The following FBXO31 variants were observed in gnomAD, a reference collection of about 807,000 sequenced individuals.
FBXO31 encodes F-box only protein 31.
A neutral mutation model predicts 54.4 loss-of-function variants in FBXO31; 24 were observed. That is an observed-to-expected ratio of 0.44 (90% CI 0.32 to 0.62). The LOEUF (loss-of-function observed/expected upper bound fraction) is 0.62, where lower values mean the gene tolerates loss of function less well. Ranked by LOEUF, FBXO31 falls within the 20% of genes least tolerant of loss-of-function variation. The pLI, the probability that FBXO31 is intolerant of heterozygous loss-of-function variation, is 0.05. For missense variants in FBXO31, 665 were observed against 787.1 expected (o/e 0.84, Z 1.86); for synonymous variants, 388 against 335.6 (o/e 1.16, Z -1.71).
Position 87,334,421 on chromosome 16 carries a change from CAGA to C in FBXO31, c.997-138_997-136del, listed in dbSNP as rs530210823. On this transcript the variant is annotated intron_variant, in intron 7 of 8. Transcript: ENST00000311635. Reference sequence around the variant, plus strand: ...CCTACTGACTTAGCAACGTCCCTTACAGAAGAAGAAGTCTCAGAATCCCTTAGA... The same window carrying C: ...CCTACTGACTTAGCAACGTCCCTTACAGAAGAAGTCTCAGAATCCCTTAGA... The C allele has an allele frequency of 3.5e-4, 269 of 761,492 alleles. No homozygotes were observed. In the East Asian group the frequency reaches 5.0e-3, roughly 14 times the overall value. 47.2% of individuals were successfully genotyped at this position (761,492 alleles called of 1,614,324 possible). A position where few individuals can be genotyped will look rare whatever the true frequency, so the allele number is the denominator to read the frequency against.
At chr16:87,362,561 G>T (rs1906183644) in intron 1 of FBXO31, 1 of 151,642 alleles carries the variant, frequency 6.6e-6, no homozygotes, top group African/African-American at 2.4e-5. Flanking sequence ...TACATTTATT[G>T]ATTGATTGAT....
At chr16:87,382,991 G>T (rs1159090976) in intron 1 of FBXO31, among the ~76,000 whole-genome samples, 2 of 152,102 alleles carry the variant, frequency 1.3e-5, no homozygotes, top group African/African-American at 4.8e-5. Context: ...GGCACCCTCG[G>T]CTCGCCTTCA....
rs147853270 is a variant in FBXO31, at chr16:87,360,064, G to A, written c.412+231C>T. Reference sequence around the variant, plus strand: ...ACATTTCTCAGCTCTAAAGGGCCTCGATGCCTGGTAAAAGACACTAGTATC... The same window carrying A: ...ACATTTCTCAGCTCTAAAGGGCCTCAATGCCTGGTAAAAGACACTAGTATC... On this transcript the variant is annotated intron_variant, in intron 2 of 8. Transcript: ENST00000311635. Among the ~76,000 whole-genome samples, 8 of 152,324 alleles carry A rather than the reference G, an allele frequency of 5.3e-5. No individual in the cohort carries two copies. The East Asian group carries it at 7.7e-4, about 15-fold the overall frequency.
intron 1 of FBXO31, among the ~76,000 whole-genome samples, chr16:87,362,284 T>C (rs1009247829): frequency 1.3e-5 from 2 of 152,172 alleles, no homozygotes; most frequent in Admixed American, 1.3e-4. Flanking sequence ...ATCTTTTCAA[T>C]GTGCAGTCAT....
At chr16:87,368,353 A>T (rs2150690993) in intron 1 of FBXO31, among the ~76,000 whole-genome samples, 1 of 152,340 alleles carries the variant, frequency 6.6e-6, no homozygotes, top group Middle Eastern at 3.4e-3. Context: ...ACAATTACAC[A>T]TCCTTTTATT....
intron 5 of FBXO31, among the ~76,000 whole-genome samples, chr16:87,341,245 A>T (rs1905184023): frequency 6.6e-6 from 1 of 152,226 alleles, no homozygotes; most frequent in Non-Finnish European, 1.5e-5. Flanking sequence ...GCTTACAGAA[A>T]CTTTTCCTAA....
intron 3 of FBXO31, among the ~76,000 whole-genome samples, chr16:87,344,875 G>A (rs60296353): frequency 2.0e-5 from 3 of 149,884 alleles, no homozygotes; most frequent in Non-Finnish European, 4.4e-5. Context: ...ACCCATCCCT[G>A]CCCCAAACCC....
rs1417139398 is a variant in FBXO31 at position 87,370,978 on chromosome 16, A to C, written c.341-10612T>G. 2.0e-5 allele frequency among the ~76,000 whole-genome samples: 3 copies of C among 152,184 alleles called. No homozygotes were observed. In the South Asian group the frequency reaches 6.2e-4, roughly 31 times the overall value. The stretch of plus-strand genomic sequence containing the variant: ...GGGGACATGCCCCCGGGCTCCAAGA[A>C]CAGCGCCCCAACTGCGGCCCGGCAC... On this transcript the variant is annotated intron_variant, in intron 1 of 8. Transcript: ENST00000311635.
chr16:87,335,718 G>A lies in FBXO31; in HGVS notation c.843-261C>T, dbSNP rs904982387. On this transcript the variant is annotated intron_variant, in intron 6 of 8. Transcript: ENST00000311635. This position sits in a 1 kb window ranked among gnomAD's most constrained non-coding sequence, Gnocchi z 5.7. ...GCCAGGGCAGAGCTTTAGGTGGGAG[G>A]GAAAAGGAAGTGCCAGTTTGCTCCA... Among the ~76,000 whole-genome samples the A allele has an allele frequency of 3.3e-5, 5 of 152,168 alleles. No homozygotes were observed. The highest frequency in any genetic ancestry group is 9.7e-5 in the African/African-American group (4 of 41,432).
At position 87,336,368 on chromosome 16, in the gene FBXO31, C is replaced by G; in HGVS notation, c.733-104G>C. ...CACAGTGTGTCCTTCTTTGTCAGTG[C>G]ACAGGCACCTGCAGGGCCCTCTTGG... On this transcript the variant is annotated intron_variant, in intron 5 of 8. Coordinates refer to ENST00000311635, the MANE Select transcript of FBXO31 (RefSeq NM_024735.5). The surrounding 1 kb of genome is among the most constrained non-coding windows in gnomAD (Gnocchi z 6.5). 1.0e-6 allele frequency: 1 copy of G among 972,684 alleles called. No individual in the cohort carries two copies. The highest frequency in any genetic ancestry group is 1.6e-6 in the Non-Finnish European group (1 of 624,664). The allele number at this position is 972,684 out of a possible 1,614,324, so 60.3% of individuals were successfully genotyped here.
chr16:87,375,261 C>T (rs1002682760), intron 1 of FBXO31, among the ~76,000 whole-genome samples: 4 of 152,178 alleles, frequency 2.6e-5, no homozygotes, highest in South Asian at 4.2e-4. Context: ...GAGCCAAGAT[C>T]GCGCCACTGC....
At chr16:87,370,931 G>T (rs1331119365) in intron 1 of FBXO31, among the ~76,000 whole-genome samples, 1 of 152,188 alleles carries the variant, frequency 6.6e-6, no homozygotes, top group Non-Finnish European at 1.5e-5. Context: ...TAAGGCACAG[G>T]GAATGAGCTG....
intron 2 of FBXO31, among the ~76,000 whole-genome samples, chr16:87,354,896 G>A (rs1905826946): frequency 6.6e-6 from 1 of 152,212 alleles, no homozygotes; most frequent in Non-Finnish European, 1.5e-5. Flanking sequence ...TGAACCGGGA[G>A]GTGGAGGTTG....
intron 5 of FBXO31, among the ~76,000 whole-genome samples, chr16:87,341,055 T>C (rs56276323): frequency 0.03 from 4,626 of 152,102 alleles, 98 homozygotes; most frequent in African/African-American, 0.048. Context: ...GACACTAGGC[T>C]GGTCTCACTC....
At chr16:87,352,798 C>T (rs912401157) in intron 2 of FBXO31, among the ~76,000 whole-genome samples, 2 of 152,276 alleles carry the variant, frequency 1.3e-5, no homozygotes, top group East Asian at 1.9e-4. Context: ...TAAATGCTCC[C>T]GAAATGAATT....
intron 1 of FBXO31, among the ~76,000 whole-genome samples, chr16:87,379,165 C>G (rs1906962085): frequency 6.6e-6 from 1 of 152,006 alleles, no homozygotes; most frequent in South Asian, 2.1e-4. Context: ...ACTCTTGTAG[C>G]CCAGGCTGGA....
chr16:87,376,707 G>A (rs374085544), intron 1 of FBXO31, among the ~76,000 whole-genome samples: 8 of 152,294 alleles, frequency 5.3e-5, no homozygotes, highest in African/African-American at 1.9e-4. Flanking sequence ...ACTAAAAAGT[G>A]GAGCCACCCT....
chr16:87,331,640 T>A, intron 8 of FBXO31, 130 bp from the exon 9 acceptor site: 1 of 776,802 alleles, frequency 1.3e-6, no homozygotes, highest in Non-Finnish European at 2.0e-6. Flanking sequence ...AGAAGCTGAC[T>A]CCCAGAGCCA....
intron 1 of FBXO31, among the ~76,000 whole-genome samples, chr16:87,368,124 C>T (rs1190565968): frequency 6.6e-6 from 1 of 152,156 alleles, no homozygotes; most frequent in Non-Finnish European, 1.5e-5. Flanking sequence ...CTTGATAAAG[C>T]ATCCACAAAA....
Sources: allele counts gnomAD v4.1 joint callset (sites outside exome capture counted in the v4.1 genomes callset), GRCh38; gene constraint gnomAD v4.1.1; non-coding constraint Gnocchi (gnomAD v3.1); transcripts MANE v1.5; gene names NCBI Gene and HGNC (gene_info 2026-07-23, HGNC 2026-07-21).